THSD7B: variants seen among roughly 807,000 people sequenced by gnomAD.
The protein encoded by THSD7B is thrombospondin type 1 domain containing 7B, also known as thrombospondin type-1 domain-containing protein 7B.
In THSD7B, 138 loss-of-function variants were observed where a neutral mutation model predicts 213.6. The observed-to-expected ratio is 0.65, with a 90% CI of 0.56 to 0.74. The LOEUF (loss-of-function observed/expected upper bound fraction) is 0.74. THSD7B is among the 30% of genes least tolerant of loss of function. The pLI is 0.00. For synonymous variants in THSD7B, 742 were observed against 687.0 expected, an observed-to-expected ratio of 1.08 and a Z score of -1.25; for missense variants, 1,931 against 1,991.5, an observed-to-expected ratio of 0.97 and a Z score of 0.58.
At chr2:136,792,543 A>G (rs944647011) in intron 1 of THSD7B, among the ~76,000 whole-genome samples, 2 of 152,004 alleles carry the variant, frequency 1.3e-5, no homozygotes. Flanking sequence ...GTGCCAATGC[A>G]AGTTTATAGA....
At chr2:137,067,559 T>C (rs35750156) in intron 3 of THSD7B, among the ~76,000 whole-genome samples, 14,201 of 152,052 alleles carry the variant, frequency 0.093, 871 homozygotes, top group African/African-American at 0.18. Flanking sequence ...TTTCAGGAGT[T>C]GGGGAAAGAG....
intron 20 of THSD7B, among the ~76,000 whole-genome samples, chr2:137,624,018 C>T (rs1272434955): frequency 1.3e-5 from 2 of 152,176 alleles, no homozygotes; most frequent in African/African-American, 2.4e-5. Context: ...CCCACATTGC[C>T]AAGACAATCC....
At chr2:137,127,448 A>C (rs1177526447) in intron 5 of THSD7B, among the ~76,000 whole-genome samples, 1 of 152,238 alleles carries the variant, frequency 6.6e-6, no homozygotes, top group Admixed American at 6.5e-5. Flanking sequence ...TCAAATGTAC[A>C]TAAGTATAGA....
chr2:136,790,224 G>T (rs997017076), intron 1 of THSD7B, among the ~76,000 whole-genome samples: 1 of 151,654 alleles, frequency 6.6e-6, no homozygotes. Context: ...GCCTTCACCA[G>T]TCCTCACTTT....
chr2:137,362,979 G>C (rs1193025982), intron 12 of THSD7B, among the ~76,000 whole-genome samples: 1 of 152,132 alleles, frequency 6.6e-6, no homozygotes, highest in Non-Finnish European at 1.5e-5. Context: ...TGACCACATA[G>C]TTGGGAGTAA....
chr2:137,061,290 C>T (rs556221539), intron 3 of THSD7B, among the ~76,000 whole-genome samples: 7 of 140,580 alleles, frequency 5.0e-5, no homozygotes, highest in Non-Finnish European at 9.1e-5. Context: ...AGCATGTCAG[C>T]ATGTCATCTG....
At chr2:137,184,618 A>G (rs1037055925) in intron 7 of THSD7B, among the ~76,000 whole-genome samples, 2 of 152,178 alleles carry the variant, frequency 1.3e-5, no homozygotes, top group African/African-American at 4.8e-5. Context: ...ACATGTACAT[A>G]TCCATATTCA....
chr2:137,010,611 A>G (rs929867523), intron 2 of THSD7B, among the ~76,000 whole-genome samples: 2 of 152,188 alleles, frequency 1.3e-5, no homozygotes, highest in African/African-American at 4.8e-5. Context: ...TCTCTGCTGT[A>G]GTGCCAACAC....
intron 2 of THSD7B, among the ~76,000 whole-genome samples, chr2:136,983,350 G>GAC (rs1440218135): frequency 9.4e-4 from 50 of 53,076 alleles, no homozygotes; most frequent in African/African-American, 3.7e-3. Context: ...CACACACACA[G>GAC]ACACACAGAC....
chr2:137,575,231 T>C (rs528800544), intron 17 of THSD7B, among the ~76,000 whole-genome samples: 1 of 152,146 alleles, frequency 6.6e-6, no homozygotes, highest in South Asian at 2.1e-4. Flanking sequence ...ATAAATTTCA[T>C]AAGTTATTAC....
chr2:137,592,016 T>C (rs553438925), intron 17 of THSD7B, among the ~76,000 whole-genome samples: 1 of 151,898 alleles, frequency 6.6e-6, no homozygotes, highest in Non-Finnish European at 1.5e-5. Flanking sequence ...GTATTTAAAA[T>C]CTATTTTGTA....
intron 2 of THSD7B, among the ~76,000 whole-genome samples, chr2:136,925,427 G>T (rs895192485): frequency 1.3e-5 from 2 of 152,118 alleles, no homozygotes; most frequent in Non-Finnish European, 2.9e-5. Flanking sequence ...GAATTGACAT[G>T]ATCATGAAAT....
At chr2:137,326,382 A>T (rs1684374992) in intron 12 of THSD7B, among the ~76,000 whole-genome samples, 1 of 152,150 alleles carries the variant, frequency 6.6e-6, no homozygotes, top group African/African-American at 2.4e-5. Flanking sequence ...CTCCTTTCTT[A>T]TCTTGGCAGT....
At chr2:136,986,778 A>T (rs1326032357) in intron 2 of THSD7B, among the ~76,000 whole-genome samples, 1 of 152,232 alleles carries the variant, frequency 6.6e-6, no homozygotes, top group African/African-American at 2.4e-5. Flanking sequence ...AACAGTATCA[A>T]GTGTACCTTT....
At chr2:137,066,935 C>G (rs1383932510) in intron 3 of THSD7B, among the ~76,000 whole-genome samples, 2 of 152,078 alleles carry the variant, frequency 1.3e-5, no homozygotes, top group Non-Finnish European at 2.9e-5. Context: ...GACATTTCAT[C>G]AAGCTCACTG....
At chr2:137,564,580 C>G (rs972625095) in intron 16 of THSD7B, among the ~76,000 whole-genome samples, 2 of 152,076 alleles carry the variant, frequency 1.3e-5, no homozygotes, top group African/African-American at 4.8e-5. Context: ...AACGATTGAC[C>G]AACCTAGCTT....
At chr2:137,546,501 A>C (rs1265545537) in intron 15 of THSD7B, among the ~76,000 whole-genome samples, 1 of 92,462 alleles carries the variant, frequency 1.1e-5, no homozygotes, top group Non-Finnish European at 2.0e-5. Context: ...ATATATTAAC[A>C]TACCTATTGA....
chr2:137,643,936 A>G (rs1682984666), intron 21 of THSD7B, among the ~76,000 whole-genome samples: 1 of 152,144 alleles, frequency 6.6e-6, no homozygotes, highest in Non-Finnish European at 1.5e-5. Context: ...TATATCTTTG[A>G]TAGGCAAGTC....
rs185570825 is a variant in THSD7B at position 137,617,893 on chromosome 2, A to G, written c.3566-499A>G. On this transcript the variant is annotated intron_variant, in intron 18 of 27. Transcript: ENST00000409968. ...CTTTATAAAGGTACTAATTTCATTC[A>G]TGAGAGCTCAGCTCCCATATTCTAA... is the stretch of plus-strand genomic sequence containing the variant. Among the ~76,000 whole-genome samples, 5 of 152,252 alleles carry G rather than the reference A, an allele frequency of 3.3e-5. No individual in the cohort carries two copies. The East Asian group carries it at 5.8e-4, about 18-fold the overall frequency.
Sources: gnomAD v4.1 joint callset for allele counts (sites outside exome capture counted in the v4.1 genomes callset) on GRCh38, gnomAD v4.1.1 for gene constraint, MANE v1.5 for transcripts, NCBI Gene and HGNC (gene_info 2026-07-23, HGNC 2026-07-21) for gene names.